Variants in APBB2 observed in about 807,000 individuals in gnomAD.
APBB2 encodes the protein amyloid beta precursor protein binding family B member 2.
A neutral mutation model predicts 82.5 loss-of-function variants in APBB2; 38 were observed. The observed-to-expected ratio is 0.46, with a 90% confidence interval of 0.36 to 0.60. The LOEUF is 0.60. Among genes scored for constraint, APBB2 ranks in the 20% least tolerant of loss-of-function variants. The pLI is 0.00. For missense variants in APBB2, 772 were observed against 972.3 expected, an observed-to-expected ratio of 0.79 and a Z score of 2.74; for synonymous variants, 341 against 368.2, an observed-to-expected ratio of 0.93 and a Z score of 0.85.
At chr4:40,858,580 G>GA (rs1762028354) in intron 12 of APBB2, among the ~76,000 whole-genome samples, 1 of 151,854 alleles carries the variant, frequency 6.6e-6, no homozygotes, top group South Asian at 2.1e-4. Context: ...AATACACATG[G>GA]AAAATCAAGG....
At chr4:40,920,239 T>A (rs1025724461) in intron 10 of APBB2, among the ~76,000 whole-genome samples, 1 of 152,210 alleles carries the variant, frequency 6.6e-6, no homozygotes, top group African/African-American at 2.4e-5. Flanking sequence ...GAAGTTCCCC[T>A]GCACACCCTC....
At chr4:41,140,369 T>C (rs1758764594) in intron 2 of APBB2, among the ~76,000 whole-genome samples, 1 of 152,270 alleles carries the variant, frequency 6.6e-6, no homozygotes, top group African/African-American at 2.4e-5. Context: ...AAGCAAGTAA[T>C]TGAATTAAAT....
chr4:41,192,145 T>C (rs115661061), intron 1 of APBB2, among the ~76,000 whole-genome samples: 5,783 of 152,174 alleles, frequency 0.038, 126 homozygotes, highest in Middle Eastern at 0.054. Flanking sequence ...ATAACAAATG[T>C]TGTTGAAGGT....
intron 12 of APBB2, among the ~76,000 whole-genome samples, chr4:40,850,309 C>T (rs1560695622): frequency 6.6e-6 from 1 of 152,106 alleles, no homozygotes; most frequent in Non-Finnish European, 1.5e-5. Flanking sequence ...TTGAGTTTGG[C>T]TTCCTGTTAT....
intron 6 of APBB2, among the ~76,000 whole-genome samples, chr4:40,986,702 A>G (rs1360054003): frequency 6.6e-6 from 1 of 152,244 alleles, no homozygotes. Context: ...CCTGGAATCT[A>G]CTGCATTAAT....
At chr4:40,973,069 T>A (rs1406514338) in intron 6 of APBB2, among the ~76,000 whole-genome samples, 1 of 152,224 alleles carries the variant, frequency 6.6e-6, no homozygotes, top group African/African-American at 2.4e-5. Flanking sequence ...GAATGACATA[T>A]ACATACCCCT....
intron 10 of APBB2, among the ~76,000 whole-genome samples, chr4:40,905,495 G>T (rs766735238): frequency 6.6e-5 from 10 of 152,190 alleles, no homozygotes; most frequent in Admixed American, 6.5e-5. Flanking sequence ...AAATGAAAAC[G>T]AAAGGATTCT....
At chr4:41,130,500 A>C (rs1408373404) in intron 2 of APBB2, among the ~76,000 whole-genome samples, 1 of 152,090 alleles carries the variant, frequency 6.6e-6, no homozygotes, top group African/African-American at 2.4e-5. Flanking sequence ...GTTAAAACTC[A>C]AGCCACACCA....
chr4:41,206,707 A>C (rs1009642464), intron 1 of APBB2, among the ~76,000 whole-genome samples: 2 of 152,226 alleles, frequency 1.3e-5, no homozygotes, highest in Non-Finnish European at 2.9e-5. Flanking sequence ...TAACGGTATT[A>C]GTTCCCCCAG....
At chr4:41,037,269 G>A (rs60809664) in intron 4 of APBB2, among the ~76,000 whole-genome samples, 9,076 of 152,158 alleles carry the variant, frequency 0.06, 904 homozygotes, top group African/African-American at 0.21. Context: ...TAAAATGCAC[G>A]CTGATTGTGA....
intron 2 of APBB2, among the ~76,000 whole-genome samples, chr4:41,140,162 A>T (rs901411952): frequency 2.0e-5 from 3 of 152,256 alleles, no homozygotes; most frequent in African/African-American, 7.2e-5. Flanking sequence ...TGGTGAGAAC[A>T]GCAGCTGTTA....
chr4:40,908,607 C>A (rs997009690), intron 10 of APBB2, among the ~76,000 whole-genome samples: 1 of 152,048 alleles, frequency 6.6e-6, no homozygotes, highest in Non-Finnish European at 1.5e-5. Context: ...CGGCTGGCAC[C>A]GGAGCCCAGG....
At position 41,013,938 on chromosome 4, in the gene APBB2, GCT is replaced by G; in HGVS notation, c.478_479del (p.Ser160LeufsTer59). The G allele has an allele frequency of 6.2e-7, 1 of 1,614,198 alleles. No individual in the cohort carries two copies. The highest frequency in any genetic ancestry group is 8.5e-7 in the Non-Finnish European group (1 of 1,180,046). ...CCAGATCTGCATAGTAATTTAGGAA[GCT>G]CTTAGTTCTCCTGGGCTGGGAGGGT... is the stretch of plus-strand genomic sequence containing the variant. ...ILPSQPRRTKSFLNYYADLET... is the reference protein window; with the variant it reads ...ILPSQPRRTKXFLNYYADLET... On this transcript the variant is annotated frameshift_variant, in exon 6 of 18. Coordinates refer to ENST00000508593, the MANE Select transcript of APBB2 (RefSeq NM_004307.2). LOFTEE classifies it high-confidence loss of function.
intron 3 of APBB2, among the ~76,000 whole-genome samples, chr4:41,085,389 G>C (rs1351678894): frequency 2.0e-5 from 3 of 152,086 alleles, no homozygotes; most frequent in Non-Finnish European, 4.4e-5. Context: ...ATGTTGAATG[G>C]AACATCACTG....
intron 6 of APBB2, among the ~76,000 whole-genome samples, chr4:40,983,559 C>T (rs1030986098): frequency 2.0e-5 from 3 of 146,466 alleles, no homozygotes; most frequent in African/African-American, 7.6e-5. Flanking sequence ...AGTTTCTTAA[C>T]GAAGAGTCCT....
intron 6 of APBB2, among the ~76,000 whole-genome samples, chr4:40,983,131 T>C (rs527435458): frequency 3.8e-4 from 58 of 152,312 alleles, no homozygotes; most frequent in African/African-American, 1.4e-3. Context: ...CTCATTTAAT[T>C]CTCAAAATTC....
intron 6 of APBB2, among the ~76,000 whole-genome samples, chr4:40,979,922 C>CGT (rs1798065589): frequency 6.6e-6 from 1 of 152,190 alleles, no homozygotes; most frequent in South Asian, 2.1e-4. Flanking sequence ...TAAGCTGCTA[C>CGT]ATGTGTCATT....
At position 40,934,673 on chromosome 4, in the gene APBB2, C is replaced by T. The variant is rs550228448; in HGVS notation, c.1134G>A (p.Pro378=). Residue 378 remains proline (P), a synonymous_variant, in exon 9 of 18, where the codon CCG becomes CCA. Transcript: ENST00000508593. ...WKDLHAATVN[P]DPSLKEFEGA... ...CTTCAAACTCTTTTAAACTGGGGTC[C>T]GGGTTAACAGTGGCTGCATGCAAAT... The T allele has an allele frequency of 5.3e-5, 85 of 1,613,896 alleles. 1 individual carries two copies. In the South Asian group the frequency reaches 7.9e-4, roughly 15 times the overall value.
intron 1 of APBB2, among the ~76,000 whole-genome samples, chr4:41,159,307 A>G (rs7700068): frequency 1.3e-5 from 2 of 152,224 alleles, no homozygotes; most frequent in African/African-American, 4.8e-5. Flanking sequence ...ATGAATTAAT[A>G]TAAAGTCAGA....
Sources: allele counts gnomAD v4.1 joint callset (sites outside exome capture counted in the v4.1 genomes callset), GRCh38; gene constraint gnomAD v4.1.1; transcripts MANE v1.5; gene names NCBI Gene and HGNC (gene_info 2026-07-23, HGNC 2026-07-21).